Variants in TMEM178B observed in about 807,000 individuals in gnomAD.
TMEM178B encodes transmembrane protein 178B.
A neutral mutation model predicts 31.0 loss-of-function variants in TMEM178B; 5 were observed. The ratio of observed to expected loss-of-function variants is 0.16; its 90% CI spans 0.08 to 0.34. The LOEUF is 0.34. Among genes scored for constraint, TMEM178B ranks in the 10% least tolerant of loss-of-function variants. The pLI, the probability that TMEM178B is intolerant of heterozygous loss-of-function variation, is 1.00. For missense variants in TMEM178B, 275 were observed against 400.3 expected, an observed-to-expected ratio of 0.69 and a Z score of 2.67; for synonymous variants, 164 against 164.0, an observed-to-expected ratio of 1.00 and a Z score of 0.00.
chr7:141,141,121 T>G lies in TMEM178B; in HGVS notation c.382+66429T>G, dbSNP rs539711391. Among the ~76,000 whole-genome samples, 4 of 152,330 alleles carry G rather than the reference T, an allele frequency of 2.6e-5. No individual in the cohort carries two copies. The South Asian group carries it at 8.3e-4, about 32-fold the overall frequency. ...TATTTCTTCTCCATTTATTAATATA[T>G]TCAATCATTTATTCATATCAGTATC... On this transcript the variant is annotated intron_variant, in intron 1 of 3. Transcript: ENST00000565468.
chr7:141,216,840 T>C lies in TMEM178B; in HGVS notation c.496+4136T>C, dbSNP rs531170755. ...TGGGCTGTGGTGTGGTGCGGTGCCC[T>C]GGGGTGCAGTGCAAAGCGAGGTAGA... On this transcript the variant is annotated intron_variant, in intron 2 of 3. Transcript: ENST00000565468. Among the ~76,000 whole-genome samples, 5 of 152,156 alleles carry C rather than the reference T, an allele frequency of 3.3e-5. No individual in the cohort carries two copies. The East Asian group carries it at 9.7e-4, about 29-fold the overall frequency.
chr7:141,456,895 G>A (rs928951536), intron 3 of TMEM178B, among the ~76,000 whole-genome samples: 5 of 152,210 alleles, frequency 3.3e-5, no homozygotes, highest in Non-Finnish European at 7.3e-5. Context: ...GCCACTCTCA[G>A]TTTCGTTAAG....
intron 1 of TMEM178B, among the ~76,000 whole-genome samples, chr7:141,105,373 G>A (rs535341993): frequency 1.3e-4 from 20 of 152,194 alleles, no homozygotes; most frequent in Middle Eastern, 6.8e-3. Context: ...CTGGCGTGGT[G>A]TTGTGTGCCT....
chr7:141,333,376 T>C (rs895654139), intron 2 of TMEM178B, among the ~76,000 whole-genome samples: 13 of 152,214 alleles, frequency 8.5e-5, no homozygotes, highest in African/African-American at 3.1e-4. Context: ...AATCTCTTAT[T>C]TGGCTTTTCT....
intron 2 of TMEM178B, among the ~76,000 whole-genome samples, chr7:141,419,849 C>T (rs938125574): frequency 4.6e-5 from 7 of 152,134 alleles, no homozygotes; most frequent in African/African-American, 1.4e-4. Context: ...CAGATCACTA[C>T]GATCTATTAT....
downstream of TMEM178B, among the ~76,000 whole-genome samples, chr7:141,480,935 A>C (rs758270600): frequency 2.6e-5 from 4 of 152,268 alleles, no homozygotes; most frequent in Non-Finnish European, 5.9e-5. Flanking sequence ...GCCAGCATTT[A>C]CAGTGAAAGA....
intron 2 of TMEM178B, among the ~76,000 whole-genome samples, chr7:141,220,241 A>T (rs1586832992): frequency 6.6e-6 from 1 of 151,788 alleles, no homozygotes; most frequent in East Asian, 1.9e-4. Flanking sequence ...TGAACCTGGG[A>T]GGTGGAGTTT....
rs187352266 is a variant in TMEM178B at position 141,085,138 on chromosome 7, C to A, written c.382+10446C>A. ...GATTACAGGCACCTGTCAGCACTCT[C>A]GGCTAATTTGTATTTTTTTTTTTTT... On this transcript the variant is annotated intron_variant, in intron 1 of 3. Coordinates refer to ENST00000565468, the MANE Select transcript of TMEM178B (RefSeq NM_001195278.2). 2.1e-5 allele frequency among the ~76,000 whole-genome samples: 3 copies of A among 145,558 alleles called. No homozygotes were observed. The East Asian group carries it at 6.1e-4, about 30-fold the overall frequency.
At chr7:141,091,260 TA>T (rs903063796) in intron 1 of TMEM178B, among the ~76,000 whole-genome samples, 41 of 152,112 alleles carry the variant, frequency 2.7e-4, no homozygotes, top group East Asian at 1.9e-4. Context: ...GGCTTTAATT[TA>T]AAAAAAATTG....
chr7:141,418,629 T>G (rs776294457), intron 2 of TMEM178B, among the ~76,000 whole-genome samples: 15 of 152,242 alleles, frequency 9.9e-5, no homozygotes, highest in Non-Finnish European at 1.3e-4. Context: ...CCTTCTCTTC[T>G]TCTTCTTATC....
intron 1 of TMEM178B, among the ~76,000 whole-genome samples, chr7:141,099,832 CTTT>C (rs11372173): frequency 4.2e-5 from 6 of 141,806 alleles, no homozygotes; most frequent in Admixed American, 7.0e-5. Flanking sequence ...AACGGTGTCT[CTTT>C]TTTTTTTTTT....
chr7:141,111,719 AG>A (rs1795237403), intron 1 of TMEM178B, among the ~76,000 whole-genome samples: 1 of 152,188 alleles, frequency 6.6e-6, no homozygotes, highest in Non-Finnish European at 1.5e-5. Flanking sequence ...AAAGAGAAGG[AG>A]GAATGGTCAG....
intron 2 of TMEM178B, among the ~76,000 whole-genome samples, chr7:141,381,204 A>G (rs992215654): frequency 1.3e-5 from 2 of 152,254 alleles, no homozygotes; most frequent in Non-Finnish European, 2.9e-5. Flanking sequence ...CCCCACCTGT[A>G]TCAAAGTCTT....
chr7:141,242,422 T>C (rs1333485568), intron 2 of TMEM178B, among the ~76,000 whole-genome samples: 1 of 151,892 alleles, frequency 6.6e-6, no homozygotes. Flanking sequence ...AGAGCAGAAC[T>C]GCATAGTGAT....
intron 1 of TMEM178B, among the ~76,000 whole-genome samples, chr7:141,186,734 T>G (rs1413178248): frequency 1.3e-5 from 2 of 152,172 alleles, no homozygotes; most frequent in Non-Finnish European, 2.9e-5. Flanking sequence ...AAAACTGTTA[T>G]GTGAGTGGGT....
intron 1 of TMEM178B, among the ~76,000 whole-genome samples, chr7:141,177,786 T>C (rs999760137): frequency 1.6e-4 from 25 of 152,204 alleles, no homozygotes; most frequent in African/African-American, 5.1e-4. Context: ...TTGCTTTCCA[T>C]TTTCTTGGTA....
rs531922698 is a variant in TMEM178B, at chr7:141,426,089, A to G, written c.497-11519A>G. ...AAACTATGTTGAATTATTAAGTGAT[A>G]GTTAATGCTGGCTTTAAAAAATGAG... is the stretch of plus-strand genomic sequence containing the variant. On this transcript the variant is annotated intron_variant, in intron 2 of 3. Coordinates refer to ENST00000565468, the MANE Select transcript of TMEM178B (RefSeq NM_001195278.2). 2.0e-5 allele frequency among the ~76,000 whole-genome samples: 3 copies of G among 152,234 alleles called. No individual in the cohort carries two copies. In the South Asian group the frequency reaches 6.2e-4, roughly 32 times the overall value.
intron 2 of TMEM178B, among the ~76,000 whole-genome samples, chr7:141,321,039 G>A (rs1025208562): frequency 2.0e-5 from 3 of 152,130 alleles, no homozygotes; most frequent in Admixed American, 6.5e-5. Flanking sequence ...CCCCATTCAC[G>A]GCCACTGGTG....
chr7:141,238,256 C>T (rs1797561010), intron 2 of TMEM178B, among the ~76,000 whole-genome samples: 2 of 152,106 alleles, frequency 1.3e-5, no homozygotes, highest in South Asian at 2.1e-4. Context: ...GAGTTAGATC[C>T]AAGTCCAGGT....
Sources: allele counts gnomAD v4.1 joint callset (sites outside exome capture counted in the v4.1 genomes callset), GRCh38; gene constraint gnomAD v4.1.1; transcripts MANE v1.5; gene names NCBI Gene and HGNC (gene_info 2026-07-23, HGNC 2026-07-21).